The following ESCO1 variants were observed in gnomAD, a reference collection of about 807,000 sequenced individuals.
The protein encoded by ESCO1 is N-acetyltransferase ESCO1.
Under a neutral mutation model 83.5 loss-of-function variants are expected in ESCO1, and 33 were observed. The observed-to-expected ratio is 0.40, with a 90% CI of 0.30 to 0.53. ESCO1 has a LOEUF of 0.53. Ranked by LOEUF, ESCO1 falls within the 20% of genes least tolerant of loss-of-function variation. ESCO1 has a pLI of 0.63. For synonymous variants in ESCO1, 332 were observed against 324.3 expected (o/e 1.02, Z -0.25); for missense variants, 855 against 968.0 (o/e 0.88, Z 1.55).
At chr18:21,532,747 T>C in intron 10 of ESCO1, 87 bp from the exon 11 acceptor site, 1 of 1,306,546 alleles carries the variant, frequency 7.7e-7, no homozygotes, top group Admixed American at 2.4e-5. Context: ...TTATGACATT[T>C]GACTGGCTTA....
At chr18:21,542,082 T>A (rs188723933) in intron 8 of ESCO1, among the ~76,000 whole-genome samples, 37 of 152,370 alleles carry the variant, frequency 2.4e-4, no homozygotes, top group Non-Finnish European at 1.3e-4. Flanking sequence ...AGTACCTTTT[T>A]TTCATGTACT....
At chr18:21,579,782 A>ACGCGCGCG (rs1303497084) in intron 2 of ESCO1, among the ~76,000 whole-genome samples, 7 of 47,248 alleles carry the variant, frequency 1.5e-4, no homozygotes, top group African/African-American at 4.3e-4. Flanking sequence ...ACACACACAC[A>ACGCGCGCG]CACGCGCGCG....
chr18:21,542,691 A>C (rs2037922256), intron 8 of ESCO1, among the ~76,000 whole-genome samples: 1 of 152,236 alleles, frequency 6.6e-6, no homozygotes, highest in African/African-American at 2.4e-5. Context: ...ATACAGCAAT[A>C]AATTCAAATC....
chr18:21,541,274 T>C (rs1460477204), intron 8 of ESCO1, among the ~76,000 whole-genome samples: 1 of 152,008 alleles, frequency 6.6e-6, no homozygotes, highest in African/African-American at 2.4e-5. Flanking sequence ...AGAAACTAAA[T>C]CTGTAGTTCT....
chr18:21,589,792 T>G (rs893137777), intron 1 of ESCO1, among the ~76,000 whole-genome samples: 1 of 152,004 alleles, frequency 6.6e-6, no homozygotes, highest in Non-Finnish European at 1.5e-5. Context: ...AGGCCTTCAA[T>G]TTGCACAGAT....
intron 1 of ESCO1, among the ~76,000 whole-genome samples, chr18:21,592,287 G>C (rs1272278964): frequency 6.6e-6 from 1 of 151,152 alleles, no homozygotes; most frequent in East Asian, 2.0e-4. Flanking sequence ...GGGGCAGCTG[G>C]CCGGGCAGAG....
At chr18:21,551,036 C>T (rs796991742) in intron 8 of ESCO1, among the ~76,000 whole-genome samples, 9 of 148,814 alleles carry the variant, frequency 6.0e-5, no homozygotes, top group African/African-American at 9.9e-5. Context: ...GGCATGAACC[C>T]GGGAGGTAGA....
intron 8 of ESCO1, among the ~76,000 whole-genome samples, chr18:21,556,452 T>C (rs1288598200): frequency 6.6e-6 from 1 of 152,076 alleles, no homozygotes. Context: ...TGGAACATGG[T>C]TTCCCTAAAT....
chr18:21,540,588 C>G, intron 8 of ESCO1: 1 of 1,324,432 alleles, frequency 7.6e-7, no homozygotes, highest in Non-Finnish European at 9.9e-7. Context: ...TTCTAAGAAT[C>G]TAATAGGGAA....
intron 11 of ESCO1, among the ~76,000 whole-genome samples, chr18:21,531,692 G>A (rs1028538234): frequency 9.3e-5 from 14 of 151,308 alleles, no homozygotes; most frequent in African/African-American, 1.2e-4. Context: ...AGTGGCTCAC[G>A]CCTGTAATCC....
At position 21,584,714 on chromosome 18, in the gene ESCO1, G is replaced by C. The variant is rs2038549776; in HGVS notation, c.-824-274C>G. Among the ~76,000 whole-genome samples the C allele has an allele frequency of 2.0e-5, 3 of 152,054 alleles. No individual in the cohort carries two copies. The South Asian group carries it at 6.2e-4, about 32-fold the overall frequency. On this transcript the variant is annotated intron_variant, in intron 1 of 11. Coordinates refer to ENST00000269214, the MANE Select transcript of ESCO1 (RefSeq NM_052911.3). ...ACGTCTGTAAGTCCCAGCTACTTCG[G>C]AGGCTGAGGTGGGCGTATCACCTGA...
chr18:21,551,453 C>T (rs1197027194), intron 8 of ESCO1, among the ~76,000 whole-genome samples: 1 of 152,006 alleles, frequency 6.6e-6, no homozygotes, highest in Non-Finnish European at 1.5e-5. Context: ...AAAAAAGAAA[C>T]TCAATGTCTA....
At chr18:21,583,987 T>C (rs1379482955) in intron 2 of ESCO1, among the ~76,000 whole-genome samples, 3 of 152,160 alleles carry the variant, frequency 2.0e-5, no homozygotes. Context: ...TGTCTCCCTT[T>C]GTGTAAAGAG....
At chr18:21,590,298 T>C (rs1237969706) in intron 1 of ESCO1, among the ~76,000 whole-genome samples, 4 of 151,276 alleles carry the variant, frequency 2.6e-5, no homozygotes, top group Admixed American at 2.0e-4. Flanking sequence ...CTCAGCTCAC[T>C]GCAACCTCCG....
chr18:21,571,101 A>G (rs978569329), intron 4 of ESCO1, among the ~76,000 whole-genome samples: 2 of 152,088 alleles, frequency 1.3e-5, no homozygotes, highest in Non-Finnish European at 2.9e-5. Flanking sequence ...GACATATGAG[A>G]GTAATGTTCA....
chr18:21,544,629 C>CAAAA (rs970704832), intron 8 of ESCO1, among the ~76,000 whole-genome samples: 2 of 101,698 alleles, frequency 2.0e-5, no homozygotes, highest in Non-Finnish European at 4.1e-5. Context: ...AACTCCATCT[C>CAAAA]AAAAAAAAAA....
At chr18:21,567,557 T>C (rs2038279548) in intron 5 of ESCO1, among the ~76,000 whole-genome samples, 1 of 152,222 alleles carries the variant, frequency 6.6e-6, no homozygotes, top group Middle Eastern at 3.4e-3. Flanking sequence ...GCAGCATTTA[T>C]TAAATCCTTA....
rs769760079 is a variant in ESCO1 at position 21,573,555 on chromosome 18, T to C, written c.1289A>G (p.His430Arg). ...AAACGTACTTTGAGTCACTGGATGA[T>C]GCATTTCTAAAGCTGGTGGTGAAAA... ...TSFSPPALEM[H>R]HPVTQSTFLG... is the part of the protein sequence containing the mutation. Residue 430 changes from histidine (H) to arginine (R), a missense_variant, in exon 4 of 12, where the codon CAT (histidine) becomes CGT (arginine). Physicochemically the swap from His to Arg is conservative, Grantham distance 29 (BLOSUM62 0). This residue lies in a region of ESCO1 where 726 missense variants were observed against 699.5 expected (regional missense o/e 1.04). Transcript: ENST00000269214. The C allele has an allele frequency of 6.2e-7, 1 of 1,614,162 alleles. No individual in the cohort carries two copies. The highest frequency in any genetic ancestry group is 1.1e-5 in the South Asian group (1 of 91,078).
intron 1 of ESCO1, among the ~76,000 whole-genome samples, chr18:21,585,999 T>C (rs1231804964): frequency 6.6e-6 from 1 of 152,240 alleles, no homozygotes; most frequent in African/African-American, 2.4e-5. Flanking sequence ...TCATGATAAC[T>C]GGGATAATTC....
Sources: gnomAD v4.1 joint callset for allele counts (sites outside exome capture counted in the v4.1 genomes callset) on GRCh38, gnomAD v4.1.1 for gene constraint, gnomAD v4.1.1 regional missense constraint, MANE v1.5 for transcripts, NCBI Gene and HGNC (gene_info 2026-07-23, HGNC 2026-07-21) for gene names.